SLC12A1: variants seen among roughly 807,000 people sequenced by gnomAD.
The protein encoded by SLC12A1 is solute carrier family 12 member 1.
Under a neutral mutation model 130.4 loss-of-function variants are expected in SLC12A1, and 89 were observed. The observed-to-expected ratio is 0.68, with a 90% CI of 0.58 to 0.81. The LOEUF (loss-of-function observed/expected upper bound fraction) is 0.81, where lower values mean the gene tolerates loss of function less well. Ranked by LOEUF, SLC12A1 falls within the 40% of genes least tolerant of loss-of-function variation. The pLI is 0.00. For missense variants in SLC12A1, 1,310 were observed against 1,336.4 expected, an observed-to-expected ratio of 0.98 and a Z score of 0.31; for synonymous variants, 499 against 460.0, an observed-to-expected ratio of 1.08 and a Z score of -1.09.
chr15:48,226,254 T>A (rs549067840), intron 4 of SLC12A1: 2 of 471,316 alleles, frequency 4.2e-6, no homozygotes, highest in Middle Eastern at 5.2e-4. Flanking sequence ...GTCTGCACTT[T>A]CGATTGTGTT....
At chr15:48,293,064 T>A (rs1311908640) in intron 24 of SLC12A1, among the ~76,000 whole-genome samples, 1 of 152,138 alleles carries the variant, frequency 6.6e-6, no homozygotes, top group African/African-American at 2.4e-5. Context: ...CACAAGCACA[T>A]GCCACCACAC....
chr15:48,302,315 G>A (rs1197769852), intron 26 of SLC12A1, among the ~76,000 whole-genome samples: 1 of 151,998 alleles, frequency 6.6e-6, no homozygotes, highest in East Asian at 1.9e-4. Context: ...TTCATCTTGG[G>A]GTGGCGTAAA....
chr15:48,250,274 G>T (rs931800784), intron 14 of SLC12A1, among the ~76,000 whole-genome samples: 2 of 152,182 alleles, frequency 1.3e-5, no homozygotes, highest in African/African-American at 4.8e-5. Context: ...TACCAGAATA[G>T]AGAGTTGTCA....
At chr15:48,225,966 C>T (rs544034754) in intron 4 of SLC12A1, 5 of 838,672 alleles carry the variant, frequency 6.0e-6, no homozygotes, top group East Asian at 1.2e-4. Flanking sequence ...ACTTGTGACC[C>T]GCACCATCAT....
At chr15:48,219,963 G>T (rs1245435707) in intron 2 of SLC12A1, among the ~76,000 whole-genome samples, 1 of 151,772 alleles carries the variant, frequency 6.6e-6, no homozygotes, top group Non-Finnish European at 1.5e-5. Context: ...CAAAAAATTA[G>T]CTGAGTGTGG....
At chr15:48,221,380 A>G (rs1202846933) in intron 4 of SLC12A1, 3 of 701,542 alleles carry the variant, frequency 4.3e-6, no homozygotes, top group African/African-American at 1.7e-5. Context: ...CACTGAACAA[A>G]AATAACTTGT....
At chr15:48,302,722 T>C (rs1374885003) in intron 26 of SLC12A1, 28 bp from the exon 27 acceptor site, 1 of 1,578,800 alleles carries the variant, frequency 6.3e-7, no homozygotes, top group Non-Finnish European at 8.6e-7. Context: ...TTCACTTTCA[T>C]TTTTAAATTT....
chr15:48,220,137 A>G (rs530243207), intron 2 of SLC12A1, among the ~76,000 whole-genome samples: 29 of 128,426 alleles, frequency 2.3e-4, no homozygotes, highest in Non-Finnish European at 4.3e-4. Context: ...AAAGGTAGAT[A>G]GATAGATAGA....
At chr15:48,242,114 G>A (rs1045862271) in intron 10 of SLC12A1, among the ~76,000 whole-genome samples, 1 of 152,202 alleles carries the variant, frequency 6.6e-6, no homozygotes, top group African/African-American at 2.4e-5. Flanking sequence ...AGACCCAGCT[G>A]CTGGCAGTGT....
Position 48,277,420 on chromosome 15 carries a change from TGAA to T in SLC12A1, c.2485+2773_2485+2775del, listed in dbSNP as rs368498323. On this transcript the variant is annotated intron_variant, in intron 20 of 26. Transcript: ENST00000380993. ...GATTTGTGAGAGTAGAGTGGTAAAT[TGAA>T]GAAGATGATGCACAATAGTCTCAAT... is the stretch of plus-strand genomic sequence containing the variant. Among the ~76,000 whole-genome samples, 49 of 152,242 alleles carry T rather than the reference TGAA, an allele frequency of 3.2e-4. No individual in the cohort carries two copies. In the South Asian group the frequency reaches 8.5e-3, roughly 26 times the overall value.
intron 20 of SLC12A1, among the ~76,000 whole-genome samples, chr15:48,282,218 T>C (rs1393005678): frequency 3.3e-5 from 5 of 152,186 alleles, no homozygotes; most frequent in Non-Finnish European, 5.9e-5. Flanking sequence ...CTCTCTGTAA[T>C]CTTCTGTCTC....
In SLC12A1 at chr15:48,232,063, C is replaced by T. The variant is rs74801703; in HGVS notation, c.976-664C>T. The stretch of plus-strand genomic sequence containing the variant: ...TAAAAGATTAAATTTTCAAGAAAGG[C>T]CCTCTGAGGAGGTAACTAAGACTTA... On this transcript the variant is annotated intron_variant, in intron 7 of 26. Coordinates refer to ENST00000380993, the MANE Select transcript of SLC12A1 (RefSeq NM_000338.3). 7.8e-4 allele frequency among the ~76,000 whole-genome samples: 119 copies of T among 152,090 alleles called. 3 individuals carry two copies. In the East Asian group the frequency reaches 0.022, roughly 28 times the overall value.
intron 25 of SLC12A1, among the ~76,000 whole-genome samples, chr15:48,299,984 G>A (rs1030474573): frequency 3.3e-5 from 5 of 152,152 alleles, no homozygotes; most frequent in South Asian, 4.1e-4. Flanking sequence ...GCACTCAAGC[G>A]CTGCTAATCT....
At chr15:48,235,967 T>C (rs1370207428) in intron 9 of SLC12A1, among the ~76,000 whole-genome samples, 2 of 152,054 alleles carry the variant, frequency 1.3e-5, no homozygotes, top group African/African-American at 4.8e-5. Context: ...CCTTACCTGG[T>C]TGCAAAGGAG....
chr15:48,246,461 T>C (rs1323376436), intron 11 of SLC12A1, among the ~76,000 whole-genome samples: 2 of 152,184 alleles, frequency 1.3e-5, no homozygotes, highest in Non-Finnish European at 2.9e-5. Flanking sequence ...AAAAAGGCCA[T>C]TTCTATTTTT....
intron 9 of SLC12A1, among the ~76,000 whole-genome samples, chr15:48,236,754 T>A (rs1194392357): frequency 3.3e-5 from 5 of 152,218 alleles, no homozygotes; most frequent in Non-Finnish European, 5.9e-5. Context: ...TTGTTCAAAA[T>A]GATTCAAATA....
chr15:48,268,863 A>G (rs1403062216), intron 18 of SLC12A1, among the ~76,000 whole-genome samples: 1 of 152,216 alleles, frequency 6.6e-6, no homozygotes, highest in East Asian at 1.9e-4. Context: ...TCAACTAGGA[A>G]TGGGAATATG....
chr15:48,240,338 G>A (rs1476333876), intron 9 of SLC12A1, among the ~76,000 whole-genome samples: 2 of 151,632 alleles, frequency 1.3e-5, no homozygotes, highest in South Asian at 4.2e-4. Context: ...CCACACTGAC[G>A]ACGACAATAG....
intron 14 of SLC12A1, among the ~76,000 whole-genome samples, chr15:48,250,674 C>CCACACACACACACACACACA (rs750040638): frequency 6.4e-4 from 36 of 56,168 alleles, no homozygotes; most frequent in African/African-American, 3.2e-3. Flanking sequence ...AAAATGTCTG[C>CCACACACACACACACACACA]CTCACACACA....
Sources: allele counts gnomAD v4.1 joint callset (sites outside exome capture counted in the v4.1 genomes callset), GRCh38; gene constraint gnomAD v4.1.1; transcripts MANE v1.5; gene names NCBI Gene and HGNC (gene_info 2026-07-23, HGNC 2026-07-21).